Variants in ANK2 observed in about 807,000 individuals in gnomAD.
ANK2 encodes ankyrin-2.
In ANK2, 83 loss-of-function variants were observed where a neutral mutation model predicts 360.5. The observed-to-expected ratio is 0.23, with a 90% CI of 0.19 to 0.28. The LOEUF is 0.28. Among genes scored for constraint, ANK2 ranks in the 10% least tolerant of loss-of-function variants. The pLI is 1.00. For missense variants in ANK2, 4,201 were observed against 4,795.7 expected, an observed-to-expected ratio of 0.88 and a Z score of 3.66; for synonymous variants, 1,740 against 1,759.5, an observed-to-expected ratio of 0.99 and a Z score of 0.28.
At chr4:113,302,269 A>G (rs2075380719) in intron 22 of ANK2, among the ~76,000 whole-genome samples, 3 of 152,222 alleles carry the variant, frequency 2.0e-5, no homozygotes, top group African/African-American at 7.2e-5. Context: ...TATTAAAGAG[A>G]TGATTTGATC....
At chr4:112,998,399 A>T (rs1019160124) in intron 2 of ANK2, among the ~76,000 whole-genome samples, 2 of 152,106 alleles carry the variant, frequency 1.3e-5, no homozygotes, top group African/African-American at 4.8e-5. Flanking sequence ...CTGCCTTTTC[A>T]TTCAACCTCA....
In ANK2 at chr4:113,182,848, A is replaced by G. The variant is rs548036265; in HGVS notation, c.186+8331A>G. Reference sequence around the variant, plus strand: ...TATAAAAGAAAGAAGAGAATAAGAAAAGTAGCTGGAAGAGGAAGTGGAATC... The same window carrying G: ...TATAAAAGAAAGAAGAGAATAAGAAGAGTAGCTGGAAGAGGAAGTGGAATC... On this transcript the variant is annotated intron_variant, in intron 2 of 45. Coordinates refer to ENST00000357077, the MANE Select transcript of ANK2 (RefSeq NM_001148.6). Among the ~76,000 whole-genome samples the G allele has an allele frequency of 8.2e-4, 125 of 152,338 alleles. 1 individual carries two copies. The highest frequency in any genetic ancestry group is 1.7e-3 in the Non-Finnish European group (116 of 68,034).
intron 43 of ANK2, among the ~76,000 whole-genome samples, chr4:113,371,299 C>T (rs1035323434): frequency 5.3e-5 from 8 of 152,140 alleles, no homozygotes; most frequent in African/African-American, 1.9e-4. Context: ...CTGATTTTGG[C>T]AGTTTTCTTA....
At chr4:113,190,217 G>A (rs1240797364) in intron 2 of ANK2, among the ~76,000 whole-genome samples, 1 of 152,066 alleles carries the variant, frequency 6.6e-6, no homozygotes, top group Admixed American at 6.6e-5. Context: ...CTGGAGTGCA[G>A]CCTCAGCTTC....
chr4:113,336,985 T>G (rs577208938), intron 31 of ANK2, among the ~76,000 whole-genome samples: 1 of 152,354 alleles, frequency 6.6e-6, no homozygotes, highest in Non-Finnish European at 1.5e-5. Context: ...AACTGTTAGA[T>G]AGTTTATATG....
chr4:113,198,691 G>A (rs1180915069), intron 3 of ANK2, among the ~76,000 whole-genome samples: 1 of 151,906 alleles, frequency 6.6e-6, no homozygotes, highest in East Asian at 1.9e-4. Context: ...TTCTTTAGTT[G>A]TTAATTAAAT....
At chr4:113,278,044 G>C (rs1457044186) in intron 16 of ANK2, 109 bp downstream of exon 16, 2 of 1,051,456 alleles carry the variant, frequency 1.9e-6, no homozygotes, top group Non-Finnish European at 2.8e-6. Flanking sequence ...AGCAACTGAT[G>C]AAACTATCCC....
rs1292508996 is a variant in ANK2, at chr4:113,358,643, C to T, written c.10025C>T (p.Ala3342Val). 6.2e-7 allele frequency: 1 copy of T among 1,610,440 alleles called. No homozygotes were observed. Among genetic ancestry groups the T allele is most frequent in the Non-Finnish European group, 8.5e-7 (1 of 1,178,528 alleles). ...SVDEENKADE[A>V]KPKSKLPVKV... ...GATGAGGAAAATAAGGCGGATGAAG[C>T]AAAACCAAAGTCCAAACTCCCTGTC... Residue 3342 changes from alanine (A) to valine (V), a missense_variant, in exon 38 of 46, where the codon GCA (alanine) becomes GTA (valine). Transcript: ENST00000357077.
chr4:112,872,839 A>T (rs1276929000), intron 1 of ANK2, among the ~76,000 whole-genome samples: 2 of 152,110 alleles, frequency 1.3e-5, no homozygotes, highest in Non-Finnish European at 2.9e-5. Context: ...CCATCTGGTC[A>T]TGGGCTTTTC....
chr4:112,940,674 A>G (rs926931730), intron 2 of ANK2, among the ~76,000 whole-genome samples: 1 of 152,208 alleles, frequency 6.6e-6, no homozygotes, highest in African/African-American at 2.4e-5. Context: ...CCTCTGAACC[A>G]TAACTACAAT....
chr4:113,152,570 C>G (rs1001349248), intron 1 of ANK2, among the ~76,000 whole-genome samples: 14 of 152,074 alleles, frequency 9.2e-5, no homozygotes, highest in African/African-American at 3.4e-4. Flanking sequence ...ACCTTCATAT[C>G]ATATTTGTGT....
rs1450929705 is a variant in ANK2, at chr4:113,363,424, G to A, written c.10843G>A (p.Ala3615Thr). Residue 3615 changes from alanine (A) to threonine (T), a missense_variant, in exon 40 of 46, where the codon GCA becomes ACA. Ala to Thr is a moderately conservative substitution (Grantham distance 58). This residue lies in a region of ANK2 where 2,642 missense variants were observed against 2,714.5 expected (regional missense o/e 0.97). Coordinates refer to ENST00000357077, the MANE Select transcript of ANK2 (RefSeq NM_001148.6). ...CAACTCTCTTCAAGACCAGAGTCAT[G>A]CACTGTTGAAGTACTGGCTAGAGAG... ...NPNSLQDQSH[A>T]LLKYWLERDG... 1.2e-6 allele frequency: 2 copies of A among 1,613,558 alleles called. No individual in the cohort carries two copies. The highest frequency in any genetic ancestry group is 2.2e-5 in the East Asian group (1 of 44,860).
chr4:113,151,267 C>T (rs2097070503), intron 1 of ANK2: 1 of 607,828 alleles, frequency 1.6e-6, no homozygotes, highest in South Asian at 2.1e-5. Context: ...ATTTGTGTAG[C>T]TACAAAAGAA....
chr4:112,808,920 C>G, the ANK2 span, among the ~76,000 whole-genome samples: 1 of 151,990 alleles, frequency 6.6e-6, no homozygotes, highest in Admixed American at 6.6e-5. Flanking sequence ...TAAAGTGGTG[C>G]GATCTCGGCT....
intron 1 of ANK2, among the ~76,000 whole-genome samples, chr4:113,103,644 C>T (rs906278589): frequency 1.7e-4 from 26 of 152,030 alleles, no homozygotes; most frequent in African/African-American, 5.1e-4. Context: ...TTTTGAAGCA[C>T]GTAAGATCTT....
At chr4:113,069,755 C>T (rs1275588201) in intron 1 of ANK2, among the ~76,000 whole-genome samples, 1 of 152,118 alleles carries the variant, frequency 6.6e-6, no homozygotes, top group East Asian at 1.9e-4. Flanking sequence ...TCTATTAAGT[C>T]ACCACTTGTA....
At chr4:112,743,162 T>C in the ANK2 span, among the ~76,000 whole-genome samples, 1 of 152,344 alleles carries the variant, frequency 6.6e-6, no homozygotes, top group South Asian at 2.1e-4. Flanking sequence ...ACCATTTTAA[T>C]GGTGTTTTAT....
chr4:112,981,113 TG>T lies in ANK2; in HGVS notation c.21+76600del, dbSNP rs533306839. On this transcript the variant is annotated intron_variant, in intron 2 of 30. Coordinates refer to the ANK2 transcript ENST00000503271. The stretch of plus-strand genomic sequence containing the variant: ...TATTTGAGATGGATCTGGAAGGAGT[TG>T]TAAGGAAGAGTGTGGAGGAAGAACA... Among the ~76,000 whole-genome samples the T allele has an allele frequency of 1.5e-3, 222 of 152,284 alleles. 1 individual carries two copies. The highest frequency in any genetic ancestry group is 5.0e-3 in the African/African-American group (207 of 41,556).
intron 4 of ANK2, among the ~76,000 whole-genome samples, chr4:113,224,677 A>G (rs981505389): frequency 6.6e-6 from 1 of 152,224 alleles, no homozygotes; most frequent in Non-Finnish European, 1.5e-5. Flanking sequence ...GTTTACACAG[A>G]TATTTTATGT....
Sources: gnomAD v4.1 joint callset for allele counts (sites outside exome capture counted in the v4.1 genomes callset) on GRCh38, gnomAD v4.1.1 for gene constraint, gnomAD v4.1.1 regional missense constraint, MANE v1.5 for transcripts, NCBI Gene and HGNC (gene_info 2026-07-23, HGNC 2026-07-21) for gene names.